AUH: variants seen among roughly 807,000 people sequenced by gnomAD.
AUH encodes methylglutaconyl-CoA hydratase, mitochondrial.
Under a neutral mutation model 42.3 loss-of-function variants are expected in AUH, and 29 were observed. That is an observed-to-expected ratio of 0.69 (90% CI 0.51 to 0.93). The LOEUF (loss-of-function observed/expected upper bound fraction) is 0.93, where lower values mean the gene tolerates loss of function less well. Ranked by LOEUF, AUH falls within the 40% of genes least tolerant of loss-of-function variation. The pLI is 0.00. For synonymous variants in AUH, 174 were observed against 166.4 expected, an observed-to-expected ratio of 1.05 and a Z score of -0.35; for missense variants, 452 against 438.1, an observed-to-expected ratio of 1.03 and a Z score of -0.28.
intron 3 of AUH, among the ~76,000 whole-genome samples, chr9:91,344,649 A>T (rs928554044): frequency 2.0e-5 from 3 of 152,242 alleles, no homozygotes; most frequent in Admixed American, 1.3e-4. Flanking sequence ...AATTTTACCA[A>T]ACAATTAAGT....
intron 6 of AUH, among the ~76,000 whole-genome samples, chr9:91,235,238 G>C (rs191203192): frequency 6.6e-6 from 1 of 152,308 alleles, no homozygotes; most frequent in East Asian, 1.9e-4. Flanking sequence ...TGCCCAGTAG[G>C]CAGCTACTGC....
At chr9:91,316,106 T>C (rs1829136459) in intron 4 of AUH, among the ~76,000 whole-genome samples, 1 of 152,236 alleles carries the variant, frequency 6.6e-6, no homozygotes, top group African/African-American at 2.4e-5. Context: ...TGGTTGTTTT[T>C]CAGCTTTTTG....
intron 9 of AUH, 61 bp from the exon 10 acceptor site, chr9:91,214,486 A>G: frequency 7.1e-7 from 1 of 1,401,548 alleles, no homozygotes; most frequent in Non-Finnish European, 9.8e-7. Flanking sequence ...AAGTTTATCA[A>G]GCACTATCTA....
chr9:91,250,005 C>T lies in AUH; in HGVS notation c.656-29013G>A, dbSNP rs556062064. ...CCAGCCTGGAGACAGAGTGAGACTC[C>T]GTCTCAAGAAAAAAAAAAAAAATCA... On this transcript the variant is annotated intron_variant, in intron 6 of 9. Transcript: ENST00000375731. Among the ~76,000 whole-genome samples, 16 of 140,578 alleles carry T rather than the reference C, an allele frequency of 1.1e-4. No individual in the cohort carries two copies. The South Asian group carries it at 3.0e-3, about 26-fold the overall frequency. 92.2% of individuals were successfully genotyped at this position (140,578 alleles called of 152,430 possible). A position where few individuals can be genotyped will look rare whatever the true frequency, so the allele number is the denominator to read the frequency against.
Position 91,217,286 on chromosome 9 carries a change from T to C in AUH, c.885A>G (p.Gln295=), listed in dbSNP as rs1177268032. Residue 295 remains glutamine, a synonymous_variant, in exon 8 of 10, where the codon CAA becomes CAG. Transcript: ENST00000375731. The part of the protein sequence containing the change: ...AMRVAKLAIN[Q]GMEVDLVTGL... The stretch of plus-strand genomic sequence containing the variant: ...GCATTAAGGAACCTACCTCCATCCC[T>C]TGATTAATTGCTAATTTTGCCACTC... 6 of 1,613,684 alleles carry C rather than the reference T, an allele frequency of 3.7e-6. No homozygotes were observed. The highest frequency in any genetic ancestry group is 5.1e-6 in the Non-Finnish European group (6 of 1,179,782).
intron 6 of AUH, among the ~76,000 whole-genome samples, chr9:91,233,550 G>A (rs1037121233): frequency 6.6e-6 from 1 of 152,152 alleles, no homozygotes; most frequent in African/African-American, 2.4e-5. Flanking sequence ...TAAAAAACAG[G>A]GAGAGGGCCT....
At chr9:91,340,336 A>C (rs1247037102) in intron 3 of AUH, among the ~76,000 whole-genome samples, 2 of 152,212 alleles carry the variant, frequency 1.3e-5, no homozygotes, top group Non-Finnish European at 2.9e-5. Flanking sequence ...AAAATTACCA[A>C]ATGTTTACAG....
Position 91,237,033 on chromosome 9 carries a change from GAATT to G in AUH, c.656-16045_656-16042del, listed in dbSNP as rs572787928. ...ATTACCTACTTATTGAATTCTTAATGAATTATTTAGGGGATACGTGTATGTGCAG... is the reference window on the plus strand; with the variant it reads ...ATTACCTACTTATTGAATTCTTAATGATTTAGGGGATACGTGTATGTGCAG... On this transcript the variant is annotated intron_variant, in intron 6 of 9. Coordinates refer to ENST00000375731, the MANE Select transcript of AUH (RefSeq NM_001698.3). 4.3e-4 allele frequency among the ~76,000 whole-genome samples: 66 copies of G among 152,184 alleles called. No individual in the cohort carries two copies. The East Asian group carries it at 4.4e-3, about 10-fold the overall frequency.
At chr9:91,288,977 GAAAAC>G (rs556325705) in intron 6 of AUH, among the ~76,000 whole-genome samples, 2 of 151,992 alleles carry the variant, frequency 1.3e-5, no homozygotes, top group African/African-American at 4.8e-5. Context: ...CTCAGGTAAA[GAAAAC>G]AAAACAAAAC....
intron 1 of AUH, among the ~76,000 whole-genome samples, chr9:91,359,120 G>A (rs149539405): frequency 4.3e-4 from 66 of 152,200 alleles, no homozygotes; most frequent in Non-Finnish European, 3.2e-4. Flanking sequence ...CTGTAACAAG[G>A]TCACATCACA....
intron 6 of AUH, among the ~76,000 whole-genome samples, chr9:91,259,526 TA>T (rs1177190066): frequency 1.3e-5 from 2 of 152,128 alleles, no homozygotes; most frequent in African/African-American, 4.8e-5. Context: ...TCTTTTAAGG[TA>T]AAAGTTTAGA....
chr9:91,354,693 C>A (rs375871153), intron 3 of AUH, among the ~76,000 whole-genome samples: 38 of 152,258 alleles, frequency 2.5e-4, no homozygotes, highest in African/African-American at 8.9e-4. Context: ...AAATGTTAAT[C>A]TGTCTTCACA....
chr9:91,231,971 A>G (rs1827910319), intron 6 of AUH, among the ~76,000 whole-genome samples: 1 of 152,060 alleles, frequency 6.6e-6, no homozygotes, highest in African/African-American at 2.4e-5. Flanking sequence ...ACCACAGTTA[A>G]TAATAGTATG....
chr9:91,283,545 T>C (rs948482973), intron 6 of AUH, among the ~76,000 whole-genome samples: 8 of 152,202 alleles, frequency 5.3e-5, no homozygotes, highest in African/African-American at 1.4e-4. Flanking sequence ...GATGATATGA[T>C]TGCATATTTA....
intron 6 of AUH, among the ~76,000 whole-genome samples, chr9:91,225,066 C>T (rs1827359295): frequency 1.3e-5 from 2 of 152,166 alleles, no homozygotes; most frequent in Admixed American, 1.3e-4. Flanking sequence ...TGCCAACATT[C>T]TTTTCCAGCT....
chr9:91,332,886 G>C (rs1830433394), intron 3 of AUH, among the ~76,000 whole-genome samples: 1 of 152,234 alleles, frequency 6.6e-6, no homozygotes, highest in South Asian at 2.1e-4. Flanking sequence ...AGGTGAAGCA[G>C]AGGACACAAA....
intron 6 of AUH, among the ~76,000 whole-genome samples, chr9:91,229,550 T>C (rs905163586): frequency 6.6e-6 from 1 of 150,794 alleles, no homozygotes; most frequent in African/African-American, 2.4e-5. Flanking sequence ...TTTAGTCCAT[T>C]TACATTTAAA....
chr9:91,252,691 T>G (rs1253533475), intron 6 of AUH, among the ~76,000 whole-genome samples: 1 of 152,204 alleles, frequency 6.6e-6, no homozygotes, highest in Non-Finnish European at 1.5e-5. Context: ...ATACTTGAAG[T>G]GCAACACTAC....
chr9:91,274,535 CTAG>C (rs1381202180), intron 6 of AUH, among the ~76,000 whole-genome samples: 1 of 152,156 alleles, frequency 6.6e-6, no homozygotes, highest in Non-Finnish European at 1.5e-5. Context: ...TGTTGAATTA[CTAG>C]TAGTAGTTGT....
Sources: allele counts gnomAD v4.1 joint callset (sites outside exome capture counted in the v4.1 genomes callset), GRCh38; gene constraint gnomAD v4.1.1; transcripts MANE v1.5; gene names NCBI Gene and HGNC (gene_info 2026-07-23, HGNC 2026-07-21).